The following KIAA1217 variants were observed in gnomAD, a reference collection of about 807,000 sequenced individuals.
The protein encoded by KIAA1217 is sickle tail protein homolog.
In KIAA1217, 88 loss-of-function variants were observed where a neutral mutation model predicts 163.9. The ratio of observed to expected loss-of-function variants is 0.54; its 90% CI spans 0.45 to 0.64. The LOEUF is 0.64. KIAA1217 is among the 30% of genes least tolerant of loss of function. The pLI, the probability that KIAA1217 is intolerant of heterozygous loss-of-function variation, is 0.00. For synonymous variants in KIAA1217, 903 were observed against 923.1 expected (o/e 0.98, Z 0.39); for missense variants, 2,372 against 2,475.0 (o/e 0.96, Z 0.88).
At chr10:24,117,040 T>C (rs1299508705) in intron 2 of KIAA1217, among the ~76,000 whole-genome samples, 2 of 150,778 alleles carry the variant, frequency 1.3e-5, no homozygotes, top group Non-Finnish European at 2.9e-5. Flanking sequence ...ATAGTGTTTT[T>C]TTTTTGGGTG....
chr10:23,980,287 A>T (rs1163832813), intron 1 of KIAA1217, among the ~76,000 whole-genome samples: 1 of 152,138 alleles, frequency 6.6e-6, no homozygotes, highest in East Asian at 1.9e-4. Context: ...ATGTCAGGAG[A>T]TAGGGTGACT....
intron 1 of KIAA1217, among the ~76,000 whole-genome samples, chr10:23,705,229 CT>C (rs921345857): frequency 6.6e-6 from 1 of 151,982 alleles, no homozygotes; most frequent in Non-Finnish European, 1.5e-5. Context: ...TGTAGGTTTT[CT>C]TTTCAGTTTC....
intron 2 of KIAA1217, among the ~76,000 whole-genome samples, chr10:24,140,687 A>C (rs2064027458): frequency 6.6e-6 from 1 of 152,188 alleles, no homozygotes; most frequent in South Asian, 2.1e-4. Context: ...TTTCCATTTA[A>C]TATTTTTGAA....
intron 1 of KIAA1217, among the ~76,000 whole-genome samples, chr10:23,920,158 G>T (rs182955543): frequency 4.6e-5 from 7 of 152,036 alleles, no homozygotes; most frequent in Non-Finnish European, 1.0e-4. Context: ...AGGTTTTTTT[G>T]TTTGTTTGTT....
intron 1 of KIAA1217, among the ~76,000 whole-genome samples, chr10:23,835,467 G>A (rs563259925): frequency 1.6e-4 from 24 of 152,198 alleles, no homozygotes; most frequent in African/African-American, 4.8e-4. Flanking sequence ...ATCTGCATTA[G>A]TACCTGGCAG....
intron 1 of KIAA1217, among the ~76,000 whole-genome samples, chr10:23,725,041 C>A (rs1838061483): frequency 6.6e-6 from 1 of 152,160 alleles, no homozygotes; most frequent in African/African-American, 2.4e-5. Context: ...TTATGACAAC[C>A]TTTCATACAA....
At chr10:24,452,114 T>A (rs2132309228) in intron 5 of KIAA1217, among the ~76,000 whole-genome samples, 1 of 152,318 alleles carries the variant, frequency 6.6e-6, no homozygotes, top group South Asian at 2.1e-4. Context: ...AAGAAAAAAG[T>A]GTTTTTAAGA....
intron 9 of KIAA1217, among the ~76,000 whole-genome samples, chr10:24,506,509 A>T (rs746746550): frequency 1.1e-4 from 17 of 152,358 alleles, no homozygotes; most frequent in Non-Finnish European, 1.2e-4. Context: ...CTCTTATTTT[A>T]CAAGAGTGCT....
intron 1 of KIAA1217, 111 bp downstream of exon 1, chr10:24,209,374 A>AG: frequency 1.3e-6 from 1 of 776,224 alleles, no homozygotes. Context: ...AAAAAAAAAA[A>AG]GGCAATTTCT....
chr10:24,493,460 C>T (rs1206721236), intron 6 of KIAA1217, among the ~76,000 whole-genome samples: 1 of 152,230 alleles, frequency 6.6e-6, no homozygotes, highest in Non-Finnish European at 1.5e-5. Context: ...AGCCTCTATT[C>T]ACTTACTCGT....
chr10:24,424,834 C>T (rs977369831), intron 3 of KIAA1217, among the ~76,000 whole-genome samples: 4 of 152,196 alleles, frequency 2.6e-5, no homozygotes, highest in African/African-American at 4.8e-5. Context: ...ATCTCCTGAC[C>T]TTGTGATCTG....
At chr10:23,891,430 C>A (rs1841411732) in intron 1 of KIAA1217, among the ~76,000 whole-genome samples, 1 of 151,880 alleles carries the variant, frequency 6.6e-6, no homozygotes, top group African/African-American at 2.4e-5. Flanking sequence ...ACCTTTGAAC[C>A]CATTTTCCCG....
chr10:23,904,457 T>C (rs139625905), intron 1 of KIAA1217, among the ~76,000 whole-genome samples: 107 of 152,300 alleles, frequency 7.0e-4, no homozygotes, highest in African/African-American at 2.4e-3. Flanking sequence ...CCAAAATATT[T>C]TTGGTTTGAC....
intron 2 of KIAA1217, among the ~76,000 whole-genome samples, chr10:24,188,497 G>A (rs2066548840): frequency 6.6e-6 from 1 of 152,130 alleles, no homozygotes; most frequent in Admixed American, 6.5e-5. Flanking sequence ...ACAGTATGAG[G>A]TACACACCTG....
intron 2 of KIAA1217, among the ~76,000 whole-genome samples, chr10:24,290,870 G>T (rs2079026016): frequency 6.6e-6 from 1 of 152,038 alleles, no homozygotes; most frequent in Non-Finnish European, 1.5e-5. Flanking sequence ...CCAAAGTGCT[G>T]GGATTACAGG....
intron 1 of KIAA1217, among the ~76,000 whole-genome samples, chr10:23,869,138 T>G (rs1216785665): frequency 5.6e-5 from 8 of 143,592 alleles, no homozygotes; most frequent in South Asian, 4.5e-4. Context: ...TTTTTTTTTT[T>G]TTTTTTTTTT....
chr10:23,998,429 C>T (rs1846598745), intron 1 of KIAA1217, among the ~76,000 whole-genome samples: 1 of 152,248 alleles, frequency 6.6e-6, no homozygotes, highest in Non-Finnish European at 1.5e-5. Context: ...GTTTCTCGTT[C>T]CTGCCTCTCT....
chr10:24,334,522 A>T (rs1229073869), intron 2 of KIAA1217, among the ~76,000 whole-genome samples: 1 of 152,030 alleles, frequency 6.6e-6, no homozygotes, highest in East Asian at 1.9e-4. Flanking sequence ...TCCTATCACA[A>T]CTATGCCTTC....
chr10:24,496,546 T>C (rs1412084027), intron 8 of KIAA1217, among the ~76,000 whole-genome samples: 2 of 152,248 alleles, frequency 1.3e-5, no homozygotes, highest in Admixed American at 1.3e-4. Flanking sequence ...CTTTTATTTC[T>C]TTTTGCTTTA....
Sources: gnomAD v4.1 joint callset for allele counts (sites outside exome capture counted in the v4.1 genomes callset) on GRCh38, gnomAD v4.1.1 for gene constraint, MANE v1.5 for transcripts, NCBI Gene and HGNC (gene_info 2026-07-23, HGNC 2026-07-21) for gene names.